ANKRD53: variants seen among roughly 807,000 people sequenced by gnomAD.
The protein encoded by ANKRD53 is ankyrin repeat domain-containing protein 53.
A neutral mutation model predicts 30.1 loss-of-function variants in ANKRD53; 27 were observed. That is an observed-to-expected ratio of 0.90 (90% CI 0.66 to 1.24). ANKRD53 has a LOEUF of 1.24. ANKRD53 is among the 50% of genes most tolerant of loss of function. ANKRD53 has a pLI of 0.00. For missense variants in ANKRD53, 682 were observed against 721.0 expected (o/e 0.95, Z 0.62); for synonymous variants, 286 against 295.4 (o/e 0.97, Z 0.33).
In ANKRD53 at chr2:70,981,982, G is replaced by A. The variant is rs781823022; in HGVS notation, c.664G>A (p.Gly222Ser). Residue 222 changes from glycine (G) to serine (S), a missense_variant, in exon 4 of 6, where the codon GGC becomes AGC. Gly to Ser is a moderately conservative substitution (Grantham distance 56). Coordinates refer to ENST00000360589, the MANE Select transcript of ANKRD53 (RefSeq NM_001115116.2). The part of the protein sequence containing the change: ...STPLHLAARD[G>S]LLDCVKVLVQ... ...GCCCCTGCACCTGGCAGCCCGTGAC[G>A]GCTTGCTGGACTGTGTGAAGGTCCT... 36 of 1,610,648 alleles carry A rather than the reference G, an allele frequency of 2.2e-5. No individual in the cohort carries two copies. Among genetic ancestry groups the A allele is most frequent in the South Asian group, 4.4e-5 (4 of 90,616 alleles).
chr2:70,985,392 T>A lies in ANKRD53; in HGVS notation c.*92T>A. ...TGGGTGGCGAGGAAAGGGGGAGGGG[T>A]GCCTATGGGCTTCCCACTCCCAAGC... On this transcript the variant is annotated 3_prime_UTR_variant, in exon 6 of 6. Transcript: ENST00000360589. The A allele has an allele frequency of 8.1e-7, 1 of 1,230,274 alleles. No individual in the cohort carries two copies. The highest frequency in any genetic ancestry group is 1.1e-6 in the Non-Finnish European group (1 of 888,486). 76.2% of individuals were successfully genotyped at this position (1,230,274 alleles called of 1,614,324 possible).
chr2:70,981,010 T>C (rs1553423539), intron 3 of ANKRD53, among the ~76,000 whole-genome samples: 1 of 152,212 alleles, frequency 6.6e-6, no homozygotes, highest in East Asian at 1.9e-4. Context: ...TTAATGGGTC[T>C]GTGGTGTGAC....
At position 70,985,189 on chromosome 2, in the gene ANKRD53, G is replaced by C. The variant is rs1445807659; in HGVS notation, c.1482G>C (p.Trp494Cys). The C allele has an allele frequency of 1.3e-6, 2 of 1,551,266 alleles. No homozygotes were observed. Among genetic ancestry groups the C allele is most frequent in the African/African-American group, 1.4e-5 (1 of 73,056 alleles). The change falls in exon 6 of 6, where the codon TGG becomes TGC. Residue 494 changes from tryptophan to cysteine, a missense_variant. Trp to Cys is a radical substitution (Grantham distance 215). Transcript: ENST00000360589. The stretch of plus-strand genomic sequence containing the variant: ...GGCACCTGGGTGACAACACCTTCTG[G>C]ACCGACACTCTGGCCATGAACCTGC... ...RKRHLGDNTF[W>C]TDTLAMNLRD... is the part of the protein sequence containing the mutation.
Position 70,984,605 on chromosome 2 carries a change from T to C in ANKRD53, c.904-6T>C. ...CATGACTCTCTTGTGCCCTCTGTTG[T>C]TGCAGAAAGAGCACAAAATTCTCAG... On this transcript the variant is annotated splice_region_variant and splice_polypyrimidine_tract_variant and intron_variant, in intron 5 of 5. Transcript: ENST00000360589. The C allele has an allele frequency of 3.7e-6, 6 of 1,613,578 alleles. No homozygotes were observed. The highest frequency in any genetic ancestry group is 3.3e-5 in the South Asian group (3 of 91,050).
chr2:70,984,705 C>A lies in ANKRD53; in HGVS notation c.998C>A (p.Ala333Asp), dbSNP rs201236100. 1.9e-6 allele frequency: 3 copies of A among 1,612,160 alleles called. No homozygotes were observed. Among genetic ancestry groups the A allele is most frequent in the African/African-American group, 2.7e-5 (2 of 74,902 alleles). Reference sequence around the variant, plus strand: ...TCTCTGGTCTCCAATACCAAGCAAGCCCGGGCCACCGCCCTCTCCAAGACC... The same window carrying A: ...TCTCTGGTCTCCAATACCAAGCAAGACCGGGCCACCGCCCTCTCCAAGACC... ...GHSLVSNTKQ[A>D]RATALSKTPE... is the part of the protein sequence containing the mutation. The change falls in exon 6 of 6, where the codon GCC (alanine) becomes GAC (aspartate). Residue 333 changes from alanine to aspartate, a missense_variant. Coordinates refer to ENST00000360589, the MANE Select transcript of ANKRD53 (RefSeq NM_001115116.2).
chr2:70,980,005 C>T (rs1669958106), intron 3 of ANKRD53, 145 bp downstream of exon 3: 1 of 953,750 alleles, frequency 1.0e-6, no homozygotes, highest in Non-Finnish European at 1.6e-6. Context: ...GTCAGGAATC[C>T]ACATGGTGTA....
chr2:70,984,314 A>G, intron 5 of ANKRD53: 1 of 1,613,056 alleles, frequency 6.2e-7, no homozygotes, highest in South Asian at 1.1e-5. Context: ...AGTCTCACCT[A>G]GGGCAGAGGC....
rs1669899502 is a variant in ANKRD53, at chr2:70,978,688, A to G, written c.43A>G (p.Ser15Gly). 6.5e-7 allele frequency: 1 copy of G among 1,544,598 alleles called. No homozygotes were observed. The highest frequency in any genetic ancestry group is 8.7e-7 in the Non-Finnish European group (1 of 1,145,230). ...GSTARRAGSGSWHSERGEGRG... is the reference protein window; with the variant it reads ...GSTARRAGSGGWHSERGEGRG... The stretch of plus-strand genomic sequence containing the variant: ...CACCGCTCGGCGGGCGGGCTCCGGA[A>G]GCTGGCACTCAGAAAGGGGAGAAGG... The change falls in exon 1 of 6, where the codon AGC becomes GGC. Residue 15 changes from serine to glycine, a missense_variant. Transcript: ENST00000360589. This position sits in a 1 kb window ranked among gnomAD's most constrained non-coding sequence, Gnocchi z 4.3.
intron 5 of ANKRD53, among the ~76,000 whole-genome samples, chr2:70,983,640 A>G (rs1002192378): frequency 3.0e-4 from 46 of 152,144 alleles, no homozygotes; most frequent in African/African-American, 1.1e-3. Flanking sequence ...CAGTCCTCAG[A>G]GTCACACACT....
At chr2:70,981,833 T>C (rs1167927218) in intron 3 of ANKRD53, 103 bp from the exon 4 acceptor site, 15 of 1,289,210 alleles carry the variant, frequency 1.2e-5, no homozygotes, top group East Asian at 2.7e-5. Flanking sequence ...AGTGGACTGA[T>C]GGTAGAGCAG....
upstream of ANKRD53, chr2:70,978,527 T>C: frequency 8.0e-7 from 1 of 1,244,836 alleles, no homozygotes; most frequent in East Asian, 3.1e-5. The surrounding 1 kb of genome is among the most constrained non-coding windows in gnomAD (Gnocchi z 4.3). Context: ...AGCCGAACCC[T>C]AGCGGCCTGG....
chr2:70,984,735 A>T lies in ANKRD53; in HGVS notation c.1028A>T (p.Glu343Val), dbSNP rs1553424363. 1.2e-6 allele frequency: 2 copies of T among 1,605,328 alleles called. No homozygotes were observed. Among genetic ancestry groups the T allele is most frequent in the Non-Finnish European group, 1.7e-6 (2 of 1,175,398 alleles). The change falls in exon 6 of 6, where the codon GAG becomes GTG. Residue 343 changes from glutamate (E) to valine (V), a missense_variant. Glu to Val is a moderately radical substitution (Grantham distance 121). Coordinates refer to ENST00000360589, the MANE Select transcript of ANKRD53 (RefSeq NM_001115116.2). ...ARATALSKTP[E>V]QRESQRSRSF... ...GCCACCGCCCTCTCCAAGACCCCAGAGCAACGGGAATCGCAGCGTTCCAGG... is the reference window on the plus strand; with the variant it reads ...GCCACCGCCCTCTCCAAGACCCCAGTGCAACGGGAATCGCAGCGTTCCAGG...
chr2:70,984,570 A>G, intron 5 of ANKRD53, 41 bp from the exon 6 acceptor site: 1 of 1,598,448 alleles, frequency 6.3e-7, no homozygotes, highest in Non-Finnish European at 8.5e-7. Flanking sequence ...AGCAGAGGGC[A>G]GCAGTCCTCC....
At chr2:70,980,622 T>C (rs868936747) in intron 3 of ANKRD53, among the ~76,000 whole-genome samples, 4 of 149,092 alleles carry the variant, frequency 2.7e-5, no homozygotes, top group Non-Finnish European at 4.4e-5. Flanking sequence ...AGCCTGGCAA[T>C]AGAGCGAGAC....
intron 5 of ANKRD53, chr2:70,984,396 C>A: frequency 6.4e-7 from 1 of 1,558,316 alleles, no homozygotes; most frequent in Non-Finnish European, 8.6e-7. Context: ...AGCCCAGGGG[C>A]TCCCTTATGG....
Position 70,979,138 on chromosome 2 carries a change from C to T in ANKRD53, c.212C>T (p.Ala71Val), listed in dbSNP as rs1341260968. The T allele has an allele frequency of 6.2e-7, 1 of 1,607,916 alleles. No homozygotes were observed. The highest frequency in any genetic ancestry group is 2.2e-5 in the East Asian group (1 of 44,782). ...PDLADHLSAQ[A>V]TALARPRRPA... ...CTCGCAGACCACCTCAGTGCGCAGG[C>T]GACTGCCCTCGCCAGGCCGCGCCGC... Residue 71 changes from alanine to valine, a missense_variant, in exon 2 of 6, where the codon GCG (alanine) becomes GTG (valine). Ala to Val is a moderately conservative substitution (Grantham distance 64). Transcript: ENST00000360589.
chr2:70,979,126 T>C lies in ANKRD53; in HGVS notation c.200T>C (p.Leu67Pro). 6.4e-7 allele frequency: 1 copy of C among 1,561,434 alleles called. No homozygotes were observed. Reference protein sequence around the residue: ...SQPLPDLADHLSAQATALARP... With the variant: ...SQPLPDLADHPSAQATALARP... ...CCCCTGCCCGACCTCGCAGACCACC[T>C]CAGTGCGCAGGCGACTGCCCTCGCC... Residue 67 changes from leucine (L) to proline (P), a missense_variant, in exon 2 of 6, where the codon CTC (leucine) becomes CCC (proline). Coordinates refer to ENST00000360589, the MANE Select transcript of ANKRD53 (RefSeq NM_001115116.2).
Position 70,982,565 on chromosome 2 carries a change from C to A in ANKRD53, c.783-12C>A. 19 of 1,613,926 alleles carry A rather than the reference C, an allele frequency of 1.2e-5. No homozygotes were observed. The highest frequency in any genetic ancestry group is 1.6e-5 in the Non-Finnish European group (19 of 1,179,842). On this transcript the variant is annotated splice_polypyrimidine_tract_variant and intron_variant, in intron 4 of 5. Coordinates refer to ENST00000360589, the MANE Select transcript of ANKRD53 (RefSeq NM_001115116.2). The surrounding 1 kb of genome is among the most constrained non-coding windows in gnomAD (Gnocchi z 4.2). Reference sequence around the variant, plus strand: ...CTGTGGGATGACACCCCCGCCCTGACCTTGGCACCAGGTTCTTGAAGGATG... The same window carrying A: ...CTGTGGGATGACACCCCCGCCCTGAACTTGGCACCAGGTTCTTGAAGGATG...
chr2:70,984,268 C>T, intron 5 of ANKRD53: 1 of 1,614,114 alleles, frequency 6.2e-7, no homozygotes, highest in South Asian at 1.1e-5. Flanking sequence ...TGAGGTTTTC[C>T]CTAGGGCAGG....
Sources: allele counts gnomAD v4.1 joint callset (sites outside exome capture counted in the v4.1 genomes callset), GRCh38; gene constraint gnomAD v4.1.1; non-coding constraint Gnocchi (gnomAD v3.1); transcripts MANE v1.5; gene names NCBI Gene and HGNC (gene_info 2026-07-23, HGNC 2026-07-21).